Variants in SPICE1 observed in about 807,000 individuals in gnomAD.
SPICE1 encodes spindle and centriole associated protein 1, also known as spindle and centriole-associated protein 1.
A neutral mutation model predicts 102.7 loss-of-function variants in SPICE1; 75 were observed. That is an observed-to-expected ratio of 0.73 (90% CI 0.61 to 0.88). SPICE1 has a LOEUF of 0.88. SPICE1 is among the 40% of genes least tolerant of loss of function. The pLI, the probability that SPICE1 is intolerant of heterozygous loss-of-function variation, is 0.00. For synonymous variants in SPICE1, 308 were observed against 350.3 expected, an observed-to-expected ratio of 0.88 and a Z score of 1.35; for missense variants, 979 against 1,020.1, an observed-to-expected ratio of 0.96 and a Z score of 0.55.
chr3:113,457,507 C>T (rs1170018031), intron 12 of SPICE1, 150 bp from the exon 13 acceptor site: 1 of 745,972 alleles, frequency 1.3e-6, no homozygotes, highest in African/African-American at 1.8e-5. Context: ...AGGCTGTATC[C>T]TCCTCTGCCA....
rs1344126936 is a variant in SPICE1 at position 113,445,378 on chromosome 3, G to A, written c.2515-18C>T. ...TTCTCAATCTGTTGAACAAAGACAC[G>A]GAAAAAATTTAGATGGTAATTAGAA... On this transcript the variant is annotated intron_variant, in intron 17 of 17. Coordinates refer to ENST00000295872, the MANE Select transcript of SPICE1 (RefSeq NM_144718.4). The A allele has an allele frequency of 2.5e-6, 4 of 1,610,012 alleles. No homozygotes were observed. Among genetic ancestry groups the A allele is most frequent in the Admixed American group, 1.7e-5 (1 of 59,736 alleles).
At chr3:113,457,064 T>C (rs961170936) in intron 13 of SPICE1, 72 bp downstream of exon 13, 23 of 1,418,486 alleles carry the variant, frequency 1.6e-5, no homozygotes, top group African/African-American at 2.9e-5. Context: ...TTTCATGTAA[T>C]GGTGAAAGTA....
chr3:113,482,658 A>C (rs966400570), intron 7 of SPICE1, among the ~76,000 whole-genome samples: 2 of 152,228 alleles, frequency 1.3e-5, no homozygotes, highest in African/African-American at 4.8e-5. Context: ...ATCATTTATT[A>C]AATAAGGAAT....
intron 7 of SPICE1, among the ~76,000 whole-genome samples, chr3:113,481,946 G>C (rs1219738200): frequency 6.6e-6 from 1 of 152,102 alleles, no homozygotes; most frequent in African/African-American, 2.4e-5. Flanking sequence ...GGATTGCTGG[G>C]TCAAATGGTA....
At chr3:113,474,548 T>C (rs1184466283) in intron 7 of SPICE1, among the ~76,000 whole-genome samples, 2 of 151,170 alleles carry the variant, frequency 1.3e-5, no homozygotes, top group South Asian at 2.1e-4. Context: ...GTAAAGCTCT[T>C]CTCAGCAAAT....
intron 7 of SPICE1, among the ~76,000 whole-genome samples, chr3:113,473,200 A>C (rs1337498004): frequency 2.0e-5 from 3 of 152,228 alleles, no homozygotes; most frequent in Non-Finnish European, 4.4e-5. Context: ...TGGAAGATGA[A>C]ATGAATGAAA....
rs941847324 is a variant in SPICE1 at position 113,446,650 on chromosome 3, C to A, written c.2453G>T (p.Cys818Phe). Residue 818 changes from cysteine to phenylalanine, a missense_variant, in exon 17 of 18, where the codon TGT becomes TTT. Cys to Phe is a radical substitution (Grantham distance 205, BLOSUM62 -2). Transcript: ENST00000295872. The part of the protein sequence containing the change: ...RRSSGATGNS[C>F]SPLNATSGSG... Reference sequence around the variant, plus strand: ...TCCTGAGGTGGCATTTAGTGGAGAACAAGAATTACCAGTAGCCCCGGAAGA... The same window carrying A: ...TCCTGAGGTGGCATTTAGTGGAGAAAAAGAATTACCAGTAGCCCCGGAAGA... 3.1e-6 allele frequency: 5 copies of A among 1,613,546 alleles called. No homozygotes were observed. The South Asian group carries it at 3.3e-5, about 11-fold the overall frequency.
chr3:113,505,101 C>T (rs1398039275), intron 2 of SPICE1, among the ~76,000 whole-genome samples: 2 of 152,188 alleles, frequency 1.3e-5, no homozygotes. Flanking sequence ...ACCTAATTGG[C>T]TCTCCATATC....
At chr3:113,487,662 T>C (rs1300693457) in intron 7 of SPICE1, among the ~76,000 whole-genome samples, 2 of 152,052 alleles carry the variant, frequency 1.3e-5, no homozygotes, top group Non-Finnish European at 2.9e-5. Context: ...GACACAGGAA[T>C]TACTTGAAGA....
chr3:113,489,077 A>G lies in SPICE1; in HGVS notation c.493-14T>C, dbSNP rs1333718752. 1.3e-6 allele frequency: 2 copies of G among 1,501,260 alleles called. No individual in the cohort carries two copies. Among genetic ancestry groups the G allele is most frequent in the African/African-American group, 1.4e-5 (1 of 72,646 alleles). 93.0% of individuals were successfully genotyped at this position (1,501,260 alleles called of 1,614,324 possible). A position where few individuals can be genotyped will look rare whatever the true frequency, so the allele number is the denominator to read the frequency against. ...ATCATTAAGAGCCTGTCTCAACACA[A>G]CAATAAAAATAGCACAAGTTGATTA... On this transcript the variant is annotated splice_polypyrimidine_tract_variant and intron_variant, in intron 6 of 17. Coordinates refer to ENST00000295872, the MANE Select transcript of SPICE1 (RefSeq NM_144718.4).
At chr3:113,512,293 C>T (rs1177141713) in intron 1 of SPICE1, among the ~76,000 whole-genome samples, 2 of 152,156 alleles carry the variant, frequency 1.3e-5, no homozygotes, top group African/African-American at 4.8e-5. Context: ...CTCTTGCCAT[C>T]CAGCTTCATG....
At chr3:113,465,618 C>T in intron 11 of SPICE1, 35 bp downstream of exon 11, 1 of 1,599,048 alleles carries the variant, frequency 6.3e-7, no homozygotes, top group Non-Finnish European at 8.5e-7. Flanking sequence ...TTTTATACCA[C>T]TGAACACATA....
chr3:113,483,211 G>C (rs1936554668), intron 7 of SPICE1, among the ~76,000 whole-genome samples: 1 of 152,158 alleles, frequency 6.6e-6, no homozygotes, highest in Non-Finnish European at 1.5e-5. Context: ...CTGTTTGTCT[G>C]TTATTGGTGT....
intron 12 of SPICE1, 178 bp downstream of exon 12, chr3:113,460,439 G>A: frequency 1.0e-6 from 1 of 980,080 alleles, no homozygotes; most frequent in Non-Finnish European, 1.2e-6. Context: ...ACAAGTATCT[G>A]GCATAGAGCA....
intron 13 of SPICE1, among the ~76,000 whole-genome samples, chr3:113,454,755 G>A (rs546363706): frequency 1.3e-4 from 19 of 151,954 alleles, no homozygotes; most frequent in African/African-American, 1.9e-4. Context: ...GTGTCAGAGC[G>A]CAAGTGACTT....
Position 113,468,185 on chromosome 3 carries a change from A to G in SPICE1, c.1109T>C (p.Leu370Ser). Reference protein sequence around the residue: ...QSSQGLTGFTLSLVSSLCRLV... With the variant: ...QSSQGLTGFTSSLVSSLCRLV... ...GCGACAGAGGGAGCTCACCAGCGACAAAGTGAAGCCTGTAAGACCCTGACT... is the reference window on the plus strand; with the variant it reads ...GCGACAGAGGGAGCTCACCAGCGACGAAGTGAAGCCTGTAAGACCCTGACT... The change falls in exon 10 of 18, where the codon TTG becomes TCG. Residue 370 changes from leucine (L) to serine (S), a missense_variant. Physicochemically the swap from Leu to Ser is moderately radical, Grantham distance 145. Transcript: ENST00000295872. The G allele has an allele frequency of 6.2e-7, 1 of 1,614,186 alleles. No individual in the cohort carries two copies. The highest frequency in any genetic ancestry group is 8.5e-7 in the Non-Finnish European group (1 of 1,180,020).
chr3:113,472,918 G>A (rs1489841557), intron 7 of SPICE1, among the ~76,000 whole-genome samples: 2 of 152,134 alleles, frequency 1.3e-5, no homozygotes, highest in Non-Finnish European at 2.9e-5. Context: ...CACTACCAAC[G>A]GAACAAAGCT....
rs1353248567 is a variant in SPICE1, at chr3:113,448,214, T to G, written c.2324-74A>C. 2.3e-6 allele frequency: 3 copies of G among 1,292,812 alleles called. No individual in the cohort carries two copies. In the Admixed American group the frequency reaches 6.6e-5, roughly 29 times the overall value. 80.1% of individuals were successfully genotyped at this position (1,292,812 alleles called of 1,614,324 possible). ...AAATTTCACTCAATTTCTATCTTAC[T>G]GCAAACTGCACATTAAAAATTTGGT... On this transcript the variant is annotated intron_variant, in intron 15 of 17. Transcript: ENST00000295872.
At chr3:113,493,383 C>T (rs1463117080) in intron 5 of SPICE1, 71 bp from the exon 6 acceptor site, 2 of 1,141,516 alleles carry the variant, frequency 1.8e-6, no homozygotes, top group Admixed American at 1.9e-5. Context: ...TCTATACTGC[C>T]ATTGGTTTGC....
Sources: allele counts gnomAD v4.1 joint callset (sites outside exome capture counted in the v4.1 genomes callset), GRCh38; gene constraint gnomAD v4.1.1; transcripts MANE v1.5; gene names NCBI Gene and HGNC (gene_info 2026-07-23, HGNC 2026-07-21).